ARMC1: variants seen among roughly 807,000 people sequenced by gnomAD.
ARMC1 encodes armadillo repeat containing 1, also known as armadillo repeat-containing protein 1.
A neutral mutation model predicts 31.4 loss-of-function variants in ARMC1; 16 were observed. That is an observed-to-expected ratio of 0.51 (90% CI 0.34 to 0.77). The LOEUF is 0.77. Ranked by LOEUF, ARMC1 falls within the 30% of genes least tolerant of loss-of-function variation. ARMC1 has a pLI of 0.01. For missense variants in ARMC1, 259 were observed against 347.5 expected (o/e 0.75, Z 2.02); for synonymous variants, 114 against 118.9 (o/e 0.96, Z 0.27).
At chr8:65,606,371 A>AAAAAAG (rs1554540107) in intron 4 of ARMC1, among the ~76,000 whole-genome samples, 1 of 151,704 alleles carries the variant, frequency 6.6e-6, no homozygotes. Context: ...AAAAAAAAAA[A>AAAAAAG]AAAAGAAAAG....
At chr8:65,615,400 TAAAA>T (rs10612716) in intron 3 of ARMC1, among the ~76,000 whole-genome samples, 55 of 140,008 alleles carry the variant, frequency 3.9e-4, no homozygotes, top group Non-Finnish European at 4.8e-4. Context: ...GAACTTAAGT[TAAAA>T]AAAAAAAAAA....
At chr8:65,610,750 A>G (rs993317609) in intron 4 of ARMC1, among the ~76,000 whole-genome samples, 5 of 152,038 alleles carry the variant, frequency 3.3e-5, no homozygotes, top group Non-Finnish European at 1.5e-5. Flanking sequence ...ACATGCTTCT[A>G]TCTGGGCTTG....
intron 3 of ARMC1, among the ~76,000 whole-genome samples, chr8:65,616,906 C>G (rs1193671739): frequency 6.7e-6 from 1 of 149,528 alleles, no homozygotes. Context: ...GCAGCCGCCC[C>G]GTCTGAGAAG....
chr8:65,610,067 A>G (rs1252643869), intron 4 of ARMC1, among the ~76,000 whole-genome samples: 1 of 150,960 alleles, frequency 6.6e-6, no homozygotes, highest in Non-Finnish European at 1.5e-5. Context: ...TTTAGCCTCT[A>G]GAATTAAACA....
intron 1 of ARMC1, among the ~76,000 whole-genome samples, chr8:65,628,310 G>T (rs1808558233): frequency 6.6e-6 from 1 of 151,478 alleles, no homozygotes; most frequent in Non-Finnish European, 1.5e-5. Flanking sequence ...GGAATGCAGT[G>T]GCACAACCTC....
chr8:65,609,664 C>A (rs1808079647), intron 4 of ARMC1, among the ~76,000 whole-genome samples: 1 of 151,940 alleles, frequency 6.6e-6, no homozygotes, highest in Non-Finnish European at 1.5e-5. Context: ...TCGAGACCAG[C>A]CTGGCCAATA....
Position 65,602,486 on chromosome 8 carries a change from C to A in ARMC1, c.*1908G>T, listed in dbSNP as rs944245816. On this transcript the variant is annotated 3_prime_UTR_variant, in exon 7 of 7. Transcript: ENST00000276569. ...TATCCACTCGATTTTAATTATGTTA[C>A]CTTTTATTATTTTACAATGTATTTC... 6.6e-6 allele frequency: 1 copy of A among 152,052 alleles called. No individual in the cohort carries two copies. 9.4% of individuals were successfully genotyped at this position (152,052 alleles called of 1,614,324 possible).
intron 2 of ARMC1, 71 bp downstream of exon 2, chr8:65,627,145 A>G: frequency 7.1e-7 from 1 of 1,404,120 alleles, no homozygotes; most frequent in Non-Finnish European, 9.6e-7. Context: ...CTTGTCATCT[A>G]GCACTTTTTC....
intron 2 of ARMC1, among the ~76,000 whole-genome samples, chr8:65,623,780 T>C (rs1385688974): frequency 1.6e-5 from 2 of 124,006 alleles, no homozygotes; most frequent in Admixed American, 1.7e-4. Flanking sequence ...GACAACAAAG[T>C]AAAATCTTTT....
intron 1 of ARMC1, among the ~76,000 whole-genome samples, chr8:65,632,137 G>A (rs1055722008): frequency 3.9e-5 from 6 of 152,100 alleles, no homozygotes; most frequent in Non-Finnish European, 8.8e-5. Flanking sequence ...AAAATGCTAA[G>A]CTCTAAAACT....
intron 4 of ARMC1, among the ~76,000 whole-genome samples, chr8:65,612,097 T>C (rs990348226): frequency 2.0e-5 from 3 of 152,186 alleles, no homozygotes; most frequent in Admixed American, 2.0e-4. Context: ...TCAGTTCACT[T>C]TCATTTTTAT....
intron 2 of ARMC1, among the ~76,000 whole-genome samples, chr8:65,625,971 C>A (rs908807482): frequency 2.6e-5 from 4 of 151,578 alleles, no homozygotes; most frequent in Admixed American, 2.0e-4. Context: ...TCACTGCAAC[C>A]TCTGCCTCCT....
rs533992097 is a variant in ARMC1 at position 65,618,248 on chromosome 8, C to T, written c.275+4015G>A. 5.9e-5 allele frequency among the ~76,000 whole-genome samples: 9 copies of T among 151,966 alleles called. No homozygotes were observed. In the East Asian group the frequency reaches 1.2e-3, roughly 20 times the overall value. On this transcript the variant is annotated intron_variant, in intron 3 of 6. Transcript: ENST00000276569. ...TTTAAGAACCTAATGTAAGGCCAGG[C>T]GCAGTGGCTCACGCCTGTAATCCCA...
chr8:65,611,292 A>C (rs1808134745), intron 4 of ARMC1, among the ~76,000 whole-genome samples: 1 of 152,096 alleles, frequency 6.6e-6, no homozygotes, highest in African/African-American at 2.4e-5. Flanking sequence ...CATTTCTGAT[A>C]TTGATAATTT....
chr8:65,606,091 G>A (rs1807995695), intron 4 of ARMC1, among the ~76,000 whole-genome samples: 3 of 152,134 alleles, frequency 2.0e-5, no homozygotes, highest in South Asian at 4.1e-4. Flanking sequence ...GGCCAGGCAC[G>A]GTGGCTCATG....
At chr8:65,614,817 A>G (rs1210875388) in intron 3 of ARMC1, among the ~76,000 whole-genome samples, 1 of 152,112 alleles carries the variant, frequency 6.6e-6, no homozygotes, top group Non-Finnish European at 1.5e-5. Flanking sequence ...CAGGCTTTCC[A>G]ACTCTTATTT....
In ARMC1 at chr8:65,613,393, T is replaced by G. The variant is rs765473480; in HGVS notation, c.316A>C (p.Ile106Leu). 4.4e-6 allele frequency: 7 copies of G among 1,605,680 alleles called. No individual in the cohort carries two copies. The East Asian group carries it at 1.4e-4, about 31-fold the overall frequency. Reference protein sequence around the residue: ...PGETKLLASEIYDILQSSNMA... With the variant: ...PGETKLLASELYDILQSSNMA... Reference sequence around the variant, plus strand: ...TTGGAGGACTGAAGAATGTCATAGATTTCAGAGGCCAGAAGTTTTGTTTCT... The same window carrying G: ...TTGGAGGACTGAAGAATGTCATAGAGTTCAGAGGCCAGAAGTTTTGTTTCT... Residue 106 changes from isoleucine (I) to leucine (L), a missense_variant, in exon 4 of 7, where the codon ATC (isoleucine) becomes CTC (leucine). Around this residue, in one of 3 missense-constraint regions of ARMC1, gnomAD observed 163 missense variants for 186.7 expected, o/e 0.87. Transcript: ENST00000276569.
chr8:65,626,314 T>C (rs947160696), intron 2 of ARMC1, among the ~76,000 whole-genome samples: 3 of 151,666 alleles, frequency 2.0e-5, no homozygotes, highest in African/African-American at 7.3e-5. Context: ...AGATAAAAAG[T>C]TGTGGTGGGC....
chr8:65,632,014 T>C (rs1436649932), intron 1 of ARMC1, among the ~76,000 whole-genome samples: 1 of 152,222 alleles, frequency 6.6e-6, no homozygotes, highest in Non-Finnish European at 1.5e-5. Context: ...TATTTTATTT[T>C]TAAGATAGGG....
Sources: gnomAD v4.1 joint callset for allele counts (sites outside exome capture counted in the v4.1 genomes callset) on GRCh38, gnomAD v4.1.1 for gene constraint, gnomAD v4.1.1 regional missense constraint, MANE v1.5 for transcripts, NCBI Gene and HGNC (gene_info 2026-07-23, HGNC 2026-07-21) for gene names.